Variants in ANO3 observed in about 807,000 individuals in gnomAD.
ANO3 encodes the protein anoctamin 3.
ANO3 carries 99 observed loss-of-function variants against 144.8 expected under a neutral mutation model. The observed-to-expected ratio is 0.68, with a 90% CI of 0.58 to 0.81. The LOEUF is 0.81. ANO3 is among the 30% of genes least tolerant of loss of function. The probability of loss-of-function intolerance (pLI) is 0.00; values close to 1 mark genes in which losing one functional copy is unlikely to be tolerated. For missense variants in ANO3, 905 were observed against 1,202.2 expected (o/e 0.75, Z 3.66); for synonymous variants, 414 against 392.6 (o/e 1.05, Z -0.64).
At chr11:26,489,574 G>A (rs899217223) in intron 4 of ANO3, among the ~76,000 whole-genome samples, 30 of 152,122 alleles carry the variant, frequency 2.0e-4, no homozygotes, top group African/African-American at 6.5e-4. Flanking sequence ...GAAAAGCCAC[G>A]GGCACTCAAC....
chr11:26,246,456 TTATATA>T (rs150219099), intron 1 of ANO3, among the ~76,000 whole-genome samples: 7,295 of 140,000 alleles, frequency 0.052, 213 homozygotes, highest in Non-Finnish European at 0.061. Flanking sequence ...AGTGTAGTCT[TTATATA>T]TATATATATA....
chr11:26,246,576 T>C (rs1290616474), intron 1 of ANO3, among the ~76,000 whole-genome samples: 55 of 149,536 alleles, frequency 3.7e-4, no homozygotes, highest in African/African-American at 1.3e-3. Context: ...TCTTTTGAAT[T>C]TTTCATAATA....
intron 1 of ANO3, among the ~76,000 whole-genome samples, chr11:26,343,175 C>T (rs756907620): frequency 6.6e-6 from 1 of 152,266 alleles, no homozygotes; most frequent in East Asian, 1.9e-4. Context: ...GTACTCTCTG[C>T]TTCTATAAGT....
At chr11:26,273,156 G>C (rs1485735540) in intron 1 of ANO3, among the ~76,000 whole-genome samples, 3 of 151,454 alleles carry the variant, frequency 2.0e-5, no homozygotes, top group Admixed American at 6.6e-5. Flanking sequence ...CCCTTTTTTT[G>C]GATTGGTTCC....
intron 1 of ANO3, among the ~76,000 whole-genome samples, chr11:26,280,886 G>C (rs1853663273): frequency 6.6e-6 from 1 of 152,158 alleles, no homozygotes; most frequent in Non-Finnish European, 1.5e-5. Context: ...AGCAGTAATA[G>C]ATTTTATAGC....
At chr11:26,434,404 A>G (rs984097369) in intron 1 of ANO3, among the ~76,000 whole-genome samples, 10 of 151,966 alleles carry the variant, frequency 6.6e-5, no homozygotes, top group African/African-American at 2.4e-4. Flanking sequence ...GATCTTTTGA[A>G]TGATTTGTTA....
chr11:26,298,511 G>A (rs1306218473), intron 1 of ANO3, among the ~76,000 whole-genome samples: 2 of 152,144 alleles, frequency 1.3e-5, no homozygotes, highest in Non-Finnish European at 2.9e-5. Context: ...GGTTATTTCA[G>A]GCCTTGTAGA....
chr11:26,347,631 T>C (rs1430573811), intron 1 of ANO3, among the ~76,000 whole-genome samples: 1 of 152,236 alleles, frequency 6.6e-6, no homozygotes, highest in Non-Finnish European at 1.5e-5. Context: ...CACTCTACTA[T>C]GGGCACATGG....
At chr11:26,528,305 A>G (rs1849217634) in intron 7 of ANO3, among the ~76,000 whole-genome samples, 1 of 152,164 alleles carries the variant, frequency 6.6e-6, no homozygotes, top group African/African-American at 2.4e-5. Flanking sequence ...CAAGAAATTA[A>G]TAAGCTAGAT....
chr11:26,216,735 A>G (rs575746059), intron 1 of ANO3, among the ~76,000 whole-genome samples: 4 of 152,170 alleles, frequency 2.6e-5, no homozygotes, highest in Admixed American at 6.6e-5. Flanking sequence ...AATTCCACCA[A>G]CAATGAATGA....
intron 3 of ANO3, 74 bp downstream of exon 3, chr11:26,443,910 T>G: frequency 9.9e-7 from 1 of 1,014,216 alleles, no homozygotes; most frequent in Non-Finnish European, 1.5e-6. Context: ...TAAAAAAAAC[T>G]AGCATTTTTT....
intron 4 of ANO3, among the ~76,000 whole-genome samples, chr11:26,498,083 T>C (rs1861038829): frequency 6.6e-6 from 1 of 152,038 alleles, no homozygotes; most frequent in South Asian, 2.1e-4. Context: ...GTGATCACTC[T>C]TTCCTGATGA....
chr11:26,568,632 A>C (rs1850694464), intron 14 of ANO3, among the ~76,000 whole-genome samples: 1 of 152,072 alleles, frequency 6.6e-6, no homozygotes, highest in African/African-American at 2.4e-5. Flanking sequence ...AAATCACGAT[A>C]ACTGTCTATT....
chr11:26,487,418 G>C (rs576069905), intron 4 of ANO3, among the ~76,000 whole-genome samples: 1 of 152,278 alleles, frequency 6.6e-6, no homozygotes, highest in African/African-American at 2.4e-5. Context: ...TTCCCAGTTT[G>C]TGTGCCTTTA....
At chr11:26,191,480 C>A (rs1851477097) in intron 1 of ANO3, among the ~76,000 whole-genome samples, 1 of 152,056 alleles carries the variant, frequency 6.6e-6, no homozygotes, top group African/African-American at 2.4e-5. Context: ...CCAGATTTTT[C>A]ATAACAAACC....
upstream of ANO3, among the ~76,000 whole-genome samples, chr11:26,328,402 C>G (rs1436544493): frequency 3.9e-5 from 6 of 152,034 alleles, no homozygotes; most frequent in Admixed American, 3.9e-4. Context: ...TTTCTGTTAC[C>G]ATTTAGGCAA....
intron 1 of ANO3, among the ~76,000 whole-genome samples, chr11:26,393,546 G>A (rs1055938537): frequency 2.0e-5 from 3 of 152,034 alleles, no homozygotes; most frequent in Non-Finnish European, 4.4e-5. Context: ...CATGTGGAAG[G>A]GGATTCCTGA....
intron 1 of ANO3, among the ~76,000 whole-genome samples, chr11:26,386,234 A>C (rs67559682): frequency 0.14 from 21,867 of 152,146 alleles, 1,702 homozygotes; most frequent in South Asian, 0.27. Flanking sequence ...ATGGAACACA[A>C]CCCAGTGAAT....
chr11:26,272,108 T>C (rs191898613), intron 1 of ANO3, among the ~76,000 whole-genome samples: 1 of 152,204 alleles, frequency 6.6e-6, no homozygotes, highest in Admixed American at 6.5e-5. Flanking sequence ...CTCCAGTAAA[T>C]GGTTTATCAG....
Sources: gnomAD v4.1 joint callset for allele counts (sites outside exome capture counted in the v4.1 genomes callset) on GRCh38, gnomAD v4.1.1 for gene constraint, MANE v1.5 for transcripts, NCBI Gene and HGNC (gene_info 2026-07-23, HGNC 2026-07-21) for gene names.